RBMS1: variants seen among roughly 807,000 people sequenced by gnomAD.
RBMS1 encodes the protein RNA binding motif single stranded interacting protein 1.
A neutral mutation model predicts 62.3 loss-of-function variants in RBMS1; 17 were observed. The ratio of observed to expected loss-of-function variants is 0.27; its 90% CI spans 0.19 to 0.41. RBMS1 has a LOEUF of 0.41. Ranked by LOEUF, RBMS1 falls within the 10% of genes least tolerant of loss-of-function variation. The probability of loss-of-function intolerance (pLI) is 1.00; values close to 1 mark genes in which losing one functional copy is unlikely to be tolerated. For missense variants in RBMS1, 334 were observed against 504.5 expected, an observed-to-expected ratio of 0.66 and a Z score of 3.24; for synonymous variants, 172 against 170.0, an observed-to-expected ratio of 1.01 and a Z score of -0.09.
chr2:160,389,224 A>C (rs1280051523), intron 1 of RBMS1, among the ~76,000 whole-genome samples: 3 of 152,240 alleles, frequency 2.0e-5, no homozygotes, highest in African/African-American at 7.2e-5. Context: ...TCCATGTTTT[A>C]AATGTGATGA....
intron 13 of RBMS1, 65 bp downstream of exon 13, chr2:160,275,565 T>A (rs1014829592): frequency 3.1e-5 from 48 of 1,552,128 alleles, no homozygotes; most frequent in Non-Finnish European, 4.0e-5. Context: ...ATTCTGATTT[T>A]AAAAAAAGCC....
intron 1 of RBMS1, among the ~76,000 whole-genome samples, chr2:160,393,126 C>A (rs1004410585): frequency 6.6e-6 from 1 of 152,054 alleles, no homozygotes; most frequent in African/African-American, 2.4e-5. Flanking sequence ...AAAGGGTAGA[C>A]TAACTCTAAG....
intron 1 of RBMS1, among the ~76,000 whole-genome samples, chr2:160,436,115 A>G (rs187757062): frequency 2.6e-5 from 4 of 152,348 alleles, no homozygotes; most frequent in South Asian, 2.1e-4. Flanking sequence ...ATAATCTCCA[A>G]TGAGCCACTG....
intron 1 of RBMS1, among the ~76,000 whole-genome samples, chr2:160,483,442 T>C (rs546233156): frequency 6.6e-6 from 1 of 152,358 alleles, no homozygotes; most frequent in East Asian, 1.9e-4. Context: ...TATGGTTCCA[T>C]AGCACACTTA....
At chr2:160,305,074 C>T (rs935325644) in intron 4 of RBMS1, among the ~76,000 whole-genome samples, 29 of 152,274 alleles carry the variant, frequency 1.9e-4, no homozygotes, top group Admixed American at 1.8e-3. Context: ...AGGATGGTCT[C>T]GATCTCTTGA....
chr2:160,272,279 A>G lies in RBMS1; in HGVS notation c.*2493T>C, dbSNP rs553556349. 3 of 152,348 alleles carry G rather than the reference A, an allele frequency of 2.0e-5. No individual in the cohort carries two copies. Among genetic ancestry groups the G allele is most frequent in the African/African-American group, 7.2e-5 (3 of 41,578 alleles). 9.4% of individuals were successfully genotyped at this position (152,348 alleles called of 1,614,324 possible). The stretch of plus-strand genomic sequence containing the variant: ...ACAACAAGTCCTAGGAAAGAAAACT[A>G]CAGAGTTATCTTGAACCGGACAAAT... On this transcript the variant is annotated 3_prime_UTR_variant, in exon 14 of 14. Transcript: ENST00000348849.
At chr2:160,276,731 A>G (rs1002208909) in intron 12 of RBMS1, 1 of 152,182 alleles carries the variant, frequency 6.6e-6, no homozygotes. Context: ...CTTAACTACA[A>G]CTGATTTCTT....
intron 1 of RBMS1, among the ~76,000 whole-genome samples, chr2:160,422,903 A>G (rs1696490162): frequency 6.6e-6 from 1 of 152,212 alleles, no homozygotes; most frequent in Non-Finnish European, 1.5e-5. Flanking sequence ...ATCCCATCCC[A>G]AGGAGAATTA....
chr2:160,446,972 T>C (rs1427671151), intron 1 of RBMS1, among the ~76,000 whole-genome samples: 6 of 152,202 alleles, frequency 3.9e-5, no homozygotes, highest in Admixed American at 3.9e-4. Flanking sequence ...AACACCACCT[T>C]GCACCCCTTC....
At chr2:160,303,629 A>C (rs894442785) in intron 4 of RBMS1, 142 bp from the exon 5 acceptor site, 19 of 870,838 alleles carry the variant, frequency 2.2e-5, no homozygotes, top group Non-Finnish European at 3.1e-5. Context: ...GTCACCCTGG[A>C]CTCTTGAAAA....
chr2:160,325,291 A>AAAG, intron 2 of RBMS1, among the ~76,000 whole-genome samples: 1 of 152,270 alleles, frequency 6.6e-6, no homozygotes, highest in Non-Finnish European at 1.5e-5. Flanking sequence ...TTACCTGACT[A>AAAG]AAGACCTTCT....
chr2:160,391,352 C>A (rs1694855948), intron 1 of RBMS1, among the ~76,000 whole-genome samples: 1 of 151,640 alleles, frequency 6.6e-6, no homozygotes, highest in Non-Finnish European at 1.5e-5. Flanking sequence ...GGAATGGATC[C>A]TTCCCTGGCA....
At chr2:160,338,482 A>G (rs568090582) in intron 2 of RBMS1, among the ~76,000 whole-genome samples, 1 of 152,292 alleles carries the variant, frequency 6.6e-6, no homozygotes, top group Admixed American at 6.5e-5. Flanking sequence ...TCTATTGTCT[A>G]TCTAAATAAG....
intron 1 of RBMS1, among the ~76,000 whole-genome samples, chr2:160,443,811 A>G (rs1683523686): frequency 6.6e-6 from 1 of 152,240 alleles, no homozygotes; most frequent in Non-Finnish European, 1.5e-5. Flanking sequence ...TCACATTTTA[A>G]TTCAAATTCC....
intron 2 of RBMS1, among the ~76,000 whole-genome samples, chr2:160,358,527 T>C (rs961405051): frequency 2.0e-5 from 3 of 152,164 alleles, no homozygotes; most frequent in Non-Finnish European, 2.9e-5. Context: ...ATGGAGAATC[T>C]TCTAGATCAA....
At chr2:160,438,261 CT>C (rs67789291) in intron 1 of RBMS1, among the ~76,000 whole-genome samples, 31,415 of 90,802 alleles carry the variant, frequency 0.35, 3,624 homozygotes, top group Admixed American at 0.5. Flanking sequence ...TCAATACTTT[CT>C]TTTTTTTTTT....
At chr2:160,432,809 G>T (rs1682954135) in intron 1 of RBMS1, among the ~76,000 whole-genome samples, 1 of 152,192 alleles carries the variant, frequency 6.6e-6, no homozygotes, top group African/African-American at 2.4e-5. Flanking sequence ...TGCCAACACT[G>T]CAGGAAATCT....
At chr2:160,359,493 C>T (rs1010483855) in intron 2 of RBMS1, among the ~76,000 whole-genome samples, 12 of 152,132 alleles carry the variant, frequency 7.9e-5, no homozygotes, top group African/African-American at 2.9e-4. Flanking sequence ...TGAGTCCCTC[C>T]TGGGTGGAAT....
At chr2:160,330,265 T>C (rs982272561) in intron 2 of RBMS1, among the ~76,000 whole-genome samples, 1 of 152,110 alleles carries the variant, frequency 6.6e-6, no homozygotes, top group African/African-American at 2.4e-5. Context: ...AGTGATTGAG[T>C]TGTCAACTGT....
Sources: gnomAD v4.1 joint callset for allele counts (sites outside exome capture counted in the v4.1 genomes callset) on GRCh38, gnomAD v4.1.1 for gene constraint, MANE v1.5 for transcripts, NCBI Gene and HGNC (gene_info 2026-07-23, HGNC 2026-07-21) for gene names.